The following CLVS1 variants were observed in gnomAD, a reference collection of about 807,000 sequenced individuals.
The protein encoded by CLVS1 is clavesin-1.
A neutral mutation model predicts 33.1 loss-of-function variants in CLVS1; 10 were observed. That is an observed-to-expected ratio of 0.30 (90% CI 0.19 to 0.51). The LOEUF is 0.51. CLVS1 is among the 20% of genes least tolerant of loss of function. CLVS1 has a pLI of 0.97. For missense variants in CLVS1, 343 were observed against 433.4 expected, an observed-to-expected ratio of 0.79 and a Z score of 1.85; for synonymous variants, 163 against 166.1, an observed-to-expected ratio of 0.98 and a Z score of 0.14.
chr8:61,240,361 T>C (rs1216227913), intron 2 of CLVS1, among the ~76,000 whole-genome samples: 4 of 152,178 alleles, frequency 2.6e-5, no homozygotes, highest in Non-Finnish European at 4.4e-5. Context: ...CCTCATCTAG[T>C]GTCAGTGCCT....
intron 2 of CLVS1, among the ~76,000 whole-genome samples, chr8:61,163,066 A>C (rs1280097081): frequency 6.6e-6 from 1 of 152,150 alleles, no homozygotes; most frequent in Non-Finnish European, 1.5e-5. Flanking sequence ...TGTTAGTCCT[A>C]GGAAAGTCCA....
chr8:61,228,179 A>T (rs1339036353), intron 2 of CLVS1, among the ~76,000 whole-genome samples: 2 of 152,180 alleles, frequency 1.3e-5, no homozygotes, highest in African/African-American at 4.8e-5. Context: ...GATTTTATTT[A>T]AAAAATTTTT....
At chr8:61,106,803 GC>G (rs1261840089) in intron 1 of CLVS1, among the ~76,000 whole-genome samples, 1 of 152,118 alleles carries the variant, frequency 6.6e-6, no homozygotes, top group Admixed American at 6.5e-5. Flanking sequence ...GCCCAACTTT[GC>G]CTGGAGGCTC....
At chr8:61,470,940 G>C (rs1342464442) in intron 5 of CLVS1, among the ~76,000 whole-genome samples, 2 of 152,082 alleles carry the variant, frequency 1.3e-5, no homozygotes, top group Non-Finnish European at 2.9e-5. Context: ...CACCTCTCAG[G>C]GTTCCTGTTG....
rs16927172 is a variant in CLVS1, at chr8:61,314,095, C to T, written c.455+13813C>T. The stretch of plus-strand genomic sequence containing the variant: ...CACAAGACAGAGTTAAGAAAGGCTT[C>T]GACGTTACAGAAATCTCCACTGTTC... On this transcript the variant is annotated intron_variant, in intron 2 of 5. Transcript: ENST00000325897. 0.012 allele frequency among the ~76,000 whole-genome samples: 1,775 copies of T among 152,242 alleles called. 99 individuals are homozygous for T. The East Asian group carries it at 0.19, about 16-fold the overall frequency.
chr8:61,250,524 T>C (rs1442041502), intron 2 of CLVS1, among the ~76,000 whole-genome samples: 2 of 152,180 alleles, frequency 1.3e-5, no homozygotes. Context: ...GCCATTTTCA[T>C]GATATTGGTT....
chr8:61,033,165 G>GAAAGAA, the CLVS1 span, among the ~76,000 whole-genome samples: 1 of 127,218 alleles, frequency 7.9e-6, no homozygotes, highest in African/African-American at 2.9e-5. Context: ...GAAAGAAAAA[G>GAAAGAA]AAAGAAAGAA....
intron 2 of CLVS1, among the ~76,000 whole-genome samples, chr8:61,147,854 CTT>C (rs1349894352): frequency 6.6e-6 from 1 of 152,118 alleles, no homozygotes; most frequent in Non-Finnish European, 1.5e-5. Context: ...AGAAAAAAAA[CTT>C]ATATATTCAA....
intron 5 of CLVS1, among the ~76,000 whole-genome samples, chr8:61,462,239 T>A (rs994168885): frequency 5.3e-5 from 8 of 152,240 alleles, no homozygotes; most frequent in South Asian, 2.1e-4. Context: ...CCTCCTCCCA[T>A]GAATCTTGAA....
At chr8:61,008,129 T>C in the CLVS1 span, among the ~76,000 whole-genome samples, 2 of 152,318 alleles carry the variant, frequency 1.3e-5, no homozygotes, top group Non-Finnish European at 2.9e-5. Context: ...GCAACTTGGA[T>C]GCGCAGGACG....
At chr8:61,403,663 G>C (rs749862215) in intron 3 of CLVS1, among the ~76,000 whole-genome samples, 1 of 152,196 alleles carries the variant, frequency 6.6e-6, no homozygotes, top group African/African-American at 2.4e-5. Flanking sequence ...GACTGGAAAA[G>C]GATGGGGACA....
intron 1 of CLVS1, among the ~76,000 whole-genome samples, chr8:61,078,205 C>A (rs966368640): frequency 1.3e-5 from 2 of 152,158 alleles, no homozygotes; most frequent in Non-Finnish European, 2.9e-5. Flanking sequence ...AAGGAGAGAG[C>A]TTTATTTGTT....
chr8:61,298,155 G>A (rs1005235611), intron 1 of CLVS1, among the ~76,000 whole-genome samples: 3 of 151,830 alleles, frequency 2.0e-5, no homozygotes, highest in African/African-American at 4.8e-5. Flanking sequence ...GGAAGACATT[G>A]GGTAAGGCTG....
chr8:61,341,069 A>G (rs1812013606), intron 2 of CLVS1, among the ~76,000 whole-genome samples: 1 of 152,238 alleles, frequency 6.6e-6, no homozygotes, highest in South Asian at 2.1e-4. Flanking sequence ...CTTTCTCTTA[A>G]AAGTATTGTC....
intron 1 of CLVS1, among the ~76,000 whole-genome samples, chr8:61,066,613 C>T (rs1037576291): frequency 1.5e-4 from 23 of 152,246 alleles, no homozygotes; most frequent in East Asian, 9.6e-4. Context: ...CATTTCTACT[C>T]CACAGTCCCT....
Position 61,232,026 on chromosome 8 carries a change from T to TGTTTGTTTGTTTG in CLVS1, c.-151-67651_-151-67650insGTTTGTTTGTTTG, listed in dbSNP as rs1554548348. On this transcript the variant is annotated intron_variant, in intron 2 of 2. Transcript: ENST00000522621. ...AGGAGCCCTGAGGAAAGTTGTGGTTTTTTTTTTTTTTTTTTTTTTTTTTTG... is the reference window on the plus strand; with the variant it reads ...AGGAGCCCTGAGGAAAGTTGTGGTTTGTTTGTTTGTTTGTTTTTTTTTTTTTTTTTTTTTTTTG... Among the ~76,000 whole-genome samples the TGTTTGTTTGTTTG allele has an allele frequency of 3.7e-3, 465 of 125,828 alleles. 17 individuals are homozygous for TGTTTGTTTGTTTG. The highest frequency in any genetic ancestry group is 0.028 in the East Asian group (108 of 3,844). The allele number at this position is 125,828 out of a possible 152,430, so 82.5% of individuals were successfully genotyped here.
At chr8:61,074,250 A>G (rs1804857670) in intron 1 of CLVS1, among the ~76,000 whole-genome samples, 1 of 150,298 alleles carries the variant, frequency 6.7e-6, no homozygotes, top group South Asian at 2.1e-4. Flanking sequence ...AGGTGAGAGG[A>G]CTGATTGAGC....
At chr8:61,316,770 G>C (rs1049856552) in intron 2 of CLVS1, among the ~76,000 whole-genome samples, 1 of 152,190 alleles carries the variant, frequency 6.6e-6, no homozygotes, top group Non-Finnish European at 1.5e-5. Flanking sequence ...TGTGATGAGA[G>C]CTCAGGTGCC....
intron 2 of CLVS1, among the ~76,000 whole-genome samples, chr8:61,137,829 G>T (rs2129292404): frequency 6.6e-6 from 1 of 152,328 alleles, no homozygotes; most frequent in South Asian, 2.1e-4. Context: ...CTGCAAAGGA[G>T]CTGATTAAGC....
Sources: gnomAD v4.1 joint callset for allele counts (sites outside exome capture counted in the v4.1 genomes callset) on GRCh38, gnomAD v4.1.1 for gene constraint, MANE v1.5 for transcripts, NCBI Gene and HGNC (gene_info 2026-07-23, HGNC 2026-07-21) for gene names.